The following ERBB4 variants were observed in gnomAD, a reference collection of about 807,000 sequenced individuals.
The protein encoded by ERBB4 is receptor tyrosine-protein kinase erbB-4.
Under a neutral mutation model 158.0 loss-of-function variants are expected in ERBB4, and 42 were observed. The ratio of observed to expected loss-of-function variants is 0.27; its 90% CI spans 0.21 to 0.34. The LOEUF (loss-of-function observed/expected upper bound fraction) is 0.34. ERBB4 is among the 10% of genes least tolerant of loss of function. The pLI is 1.00. For synonymous variants in ERBB4, 583 were observed against 558.7 expected (o/e 1.04, Z -0.61); for missense variants, 1,333 against 1,624.1 (o/e 0.82, Z 3.08).
chr2:211,900,972 G>A (rs2079219456), intron 3 of ERBB4, among the ~76,000 whole-genome samples: 1 of 152,128 alleles, frequency 6.6e-6, no homozygotes, highest in South Asian at 2.1e-4. Context: ...ACTATGAATG[G>A]AGTGAGGCAA....
chr2:211,466,332 GTTTT>G (rs1158162850), intron 20 of ERBB4, among the ~76,000 whole-genome samples: 3 of 118,576 alleles, frequency 2.5e-5, no homozygotes, highest in Non-Finnish European at 5.4e-5. Flanking sequence ...TTTTTGTGTA[GTTTT>G]TTTTTTTTTT....
chr2:211,419,502 ATTATC>A (rs1250932868), intron 25 of ERBB4, among the ~76,000 whole-genome samples: 1 of 142,912 alleles, frequency 7.0e-6, no homozygotes, highest in East Asian at 1.9e-4. Context: ...AGAGAAAAGA[ATTATC>A]TTCTAGAAAA....
intron 1 of ERBB4, among the ~76,000 whole-genome samples, chr2:212,314,002 T>C (rs2087158781): frequency 6.6e-6 from 1 of 150,994 alleles, no homozygotes; most frequent in Non-Finnish European, 1.5e-5. Context: ...TTCCAGATAC[T>C]AGCCAAACAG....
At chr2:211,411,362 T>C (rs539135183) in intron 25 of ERBB4, among the ~76,000 whole-genome samples, 2 of 152,374 alleles carry the variant, frequency 1.3e-5, no homozygotes, top group South Asian at 4.1e-4. Context: ...GAAAGGTTTC[T>C]CAAATTAGTG....
At chr2:212,248,664 T>C (rs1185889119) in intron 1 of ERBB4, among the ~76,000 whole-genome samples, 1 of 152,002 alleles carries the variant, frequency 6.6e-6, no homozygotes, top group Non-Finnish European at 1.5e-5. Flanking sequence ...GTGAGAAAAA[T>C]AAGTAAGATA....
At chr2:211,704,020 T>TAA in intron 11 of ERBB4, 84 bp downstream of exon 11, 1 of 831,516 alleles carries the variant, frequency 1.2e-6, no homozygotes, top group Middle Eastern at 2.2e-4. Flanking sequence ...AGTAAATCAA[T>TAA]AAGAGTGATA....
intron 16 of ERBB4, among the ~76,000 whole-genome samples, chr2:211,646,025 G>T (rs1352399809): frequency 6.6e-6 from 1 of 151,418 alleles, no homozygotes; most frequent in Non-Finnish European, 1.5e-5. Context: ...CTGATACTAG[G>T]GAATACTAGG....
At chr2:211,754,187 G>T (rs148066178) in intron 4 of ERBB4, among the ~76,000 whole-genome samples, 1 of 152,068 alleles carries the variant, frequency 6.6e-6, no homozygotes, top group Non-Finnish European at 1.5e-5. Context: ...CTGAAAAAGA[G>T]ATCTTATGTG....
chr2:212,166,957 A>G (rs1329178258), intron 1 of ERBB4, among the ~76,000 whole-genome samples: 1 of 152,184 alleles, frequency 6.6e-6, no homozygotes, highest in African/African-American at 2.4e-5. Flanking sequence ...TGGATTGAAG[A>G]CTTAAATGTA....
intron 20 of ERBB4, among the ~76,000 whole-genome samples, chr2:211,539,299 C>T (rs1165042057): frequency 1.3e-5 from 2 of 151,806 alleles, no homozygotes; most frequent in Admixed American, 6.6e-5. Flanking sequence ...ATTGAAAAAC[C>T]ATAATTGCTG....
At chr2:211,791,493 T>C (rs1011851139) in intron 3 of ERBB4, among the ~76,000 whole-genome samples, 10 of 150,768 alleles carry the variant, frequency 6.6e-5, no homozygotes, top group African/African-American at 2.4e-4. Context: ...AGATGCAAAG[T>C]GTCTGGATGA....
chr2:211,889,061 C>A (rs1276784828), intron 3 of ERBB4, among the ~76,000 whole-genome samples: 1 of 141,322 alleles, frequency 7.1e-6, no homozygotes, highest in South Asian at 2.1e-4. Flanking sequence ...CTCAAGAAGG[C>A]CTGCCTGCCT....
chr2:212,298,018 TTTAA>T (rs1431769575), intron 1 of ERBB4, among the ~76,000 whole-genome samples: 1 of 151,814 alleles, frequency 6.6e-6, no homozygotes, highest in Non-Finnish European at 1.5e-5. Context: ...AATCTGATGC[TTTAA>T]TTATGTTTTG....
At chr2:211,789,706 C>T (rs2076240367) in intron 3 of ERBB4, among the ~76,000 whole-genome samples, 1 of 152,066 alleles carries the variant, frequency 6.6e-6, no homozygotes, top group South Asian at 2.1e-4. Flanking sequence ...AGGCAACCGA[C>T]ACCATCTCCC....
intron 1 of ERBB4, among the ~76,000 whole-genome samples, chr2:212,432,678 A>G (rs1055886981): frequency 2.0e-5 from 3 of 152,174 alleles, no homozygotes; most frequent in African/African-American, 7.2e-5. Flanking sequence ...AGATTTTTAA[A>G]TCATCATTGC....
At chr2:211,810,194 T>C (rs557813751) in intron 3 of ERBB4, among the ~76,000 whole-genome samples, 1 of 152,350 alleles carries the variant, frequency 6.6e-6, no homozygotes, top group South Asian at 2.1e-4. Flanking sequence ...GTTCTGTAGA[T>C]GTCTATTAGA....
At chr2:212,264,995 TC>T (rs1559879047) in intron 1 of ERBB4, among the ~76,000 whole-genome samples, 2 of 152,056 alleles carry the variant, frequency 1.3e-5, no homozygotes, top group African/African-American at 2.4e-5. Flanking sequence ...TCTCTATTCT[TC>T]CCCTGGAAAA....
chr2:211,526,668 T>C (rs150928373), intron 20 of ERBB4, among the ~76,000 whole-genome samples: 5 of 152,286 alleles, frequency 3.3e-5, no homozygotes. Flanking sequence ...AATAGCTGTT[T>C]TGAGGAAACT....
chr2:211,515,913 T>TATATATATATATA (rs71054105), intron 20 of ERBB4, among the ~76,000 whole-genome samples: 11 of 57,362 alleles, frequency 1.9e-4, no homozygotes, highest in Middle Eastern at 7.7e-3. Context: ...TATATATATA[T>TATATATATATATA]TTTTTTTTTT....
Sources: gnomAD v4.1 joint callset for allele counts (sites outside exome capture counted in the v4.1 genomes callset) on GRCh38, gnomAD v4.1.1 for gene constraint, MANE v1.5 for transcripts, NCBI Gene and HGNC (gene_info 2026-07-23, HGNC 2026-07-21) for gene names.